The following TRPM3 variants were observed in gnomAD, a reference collection of about 807,000 sequenced individuals.
TRPM3 encodes the protein transient receptor potential cation channel subfamily M member 3, also known as long transient receptor potential channel 3.
A neutral mutation model predicts 181.2 loss-of-function variants in TRPM3; 77 were observed. The observed-to-expected ratio is 0.42, with a 90% confidence interval of 0.35 to 0.51. The LOEUF (loss-of-function observed/expected upper bound fraction) is 0.51. Ranked by LOEUF, TRPM3 falls within the 20% of genes least tolerant of loss-of-function variation. TRPM3 has a pLI of 0.01. For missense variants in TRPM3, 1,759 were observed against 2,196.7 expected, an observed-to-expected ratio of 0.80 and a Z score of 3.98; for synonymous variants, 745 against 796.4, an observed-to-expected ratio of 0.94 and a Z score of 1.09.
intron 1 of TRPM3, among the ~76,000 whole-genome samples, chr9:71,314,650 G>A (rs1361920002): frequency 2.0e-5 from 3 of 152,140 alleles, no homozygotes; most frequent in African/African-American, 7.2e-5. Flanking sequence ...GCTCCCAGAC[G>A]GGAATCATCA....
chr9:71,100,753 GAATA>G (rs2068209449), intron 1 of TRPM3, among the ~76,000 whole-genome samples: 1 of 152,048 alleles, frequency 6.6e-6, no homozygotes, highest in African/African-American at 2.4e-5. Flanking sequence ...CTTATTCAAC[GAATA>G]TTTATATTGT....
intron 1 of TRPM3, among the ~76,000 whole-genome samples, chr9:71,389,721 A>G (rs1311924298): frequency 6.6e-6 from 1 of 152,130 alleles, no homozygotes; most frequent in Non-Finnish European, 1.5e-5. Flanking sequence ...TTCTAAGTGA[A>G]GTAACTCAGG....
At chr9:71,193,829 G>A (rs992942224) in intron 1 of TRPM3, among the ~76,000 whole-genome samples, 2 of 151,846 alleles carry the variant, frequency 1.3e-5, no homozygotes, top group African/African-American at 4.8e-5. Flanking sequence ...GTTTGATATT[G>A]ACACATCACT....
At chr9:70,624,154 A>C (rs935987109) in intron 14 of TRPM3, among the ~76,000 whole-genome samples, 1 of 152,176 alleles carries the variant, frequency 6.6e-6, no homozygotes, top group South Asian at 2.1e-4. Flanking sequence ...TACTAATGAA[A>C]TTGTATAATA....
At chr9:70,960,273 A>G (rs1564847657) in intron 1 of TRPM3, among the ~76,000 whole-genome samples, 1 of 152,172 alleles carries the variant, frequency 6.6e-6, no homozygotes, top group African/African-American at 2.4e-5. Flanking sequence ...GAGGAGAGTT[A>G]GTGAACAGCA....
intron 1 of TRPM3, among the ~76,000 whole-genome samples, chr9:71,418,412 G>T (rs1262302680): frequency 1.3e-5 from 2 of 151,922 alleles, no homozygotes; most frequent in African/African-American, 4.8e-5. Flanking sequence ...ATACGCCTCT[G>T]TTGAGATGAA....
intron 7 of TRPM3, among the ~76,000 whole-genome samples, chr9:70,778,594 T>C (rs2081909524): frequency 6.6e-6 from 1 of 152,170 alleles, no homozygotes; most frequent in Non-Finnish European, 1.5e-5. Context: ...TGATTTCTCA[T>C]AGAAAATTTT....
At chr9:70,948,739 G>A (rs532863016) in intron 1 of TRPM3, among the ~76,000 whole-genome samples, 2 of 152,320 alleles carry the variant, frequency 1.3e-5, no homozygotes, top group Non-Finnish European at 2.9e-5. Flanking sequence ...CTTCACTGGT[G>A]AGCCCAAATG....
At chr9:70,879,956 A>G (rs975002796) in intron 1 of TRPM3, among the ~76,000 whole-genome samples, 11 of 152,118 alleles carry the variant, frequency 7.2e-5, no homozygotes, top group Non-Finnish European at 1.2e-4. Context: ...TCTGGTAGAC[A>G]CACTCCTAGT....
At chr9:70,863,157 T>G in intron 2 of TRPM3, 45 bp from the exon 3 acceptor site, 2 of 1,559,326 alleles carry the variant, frequency 1.3e-6, no homozygotes, top group Non-Finnish European at 1.8e-6. Flanking sequence ...TTAGTCACTA[T>G]TGGGATACAC....
At chr9:70,674,018 T>C (rs4144023) in intron 9 of TRPM3, among the ~76,000 whole-genome samples, 54,702 of 150,392 alleles carry the variant, frequency 0.36, 10,263 homozygotes, top group East Asian at 0.46. Flanking sequence ...GTATGTCTCT[T>C]TTATTGGCCT....
intron 20 of TRPM3, among the ~76,000 whole-genome samples, chr9:70,601,906 G>A (rs2060059078): frequency 6.6e-6 from 1 of 152,158 alleles, no homozygotes; most frequent in African/African-American, 2.4e-5. Flanking sequence ...AATCGCTCGA[G>A]TGCCAGCTGG....
rs191103326 is a variant in TRPM3, at chr9:70,666,717, T to C, written c.1345+14789A>G. On this transcript the variant is annotated intron_variant, in intron 9 of 25. Transcript: ENST00000677713. The stretch of plus-strand genomic sequence containing the variant: ...CTTGCTCCTGTGTTCCTCTATATTA[T>C]GATAGTATGACTTGGTATAGGATTA... 2.6e-3 allele frequency among the ~76,000 whole-genome samples: 396 copies of C among 152,312 alleles called. 1 individual carries two copies. The highest frequency in any genetic ancestry group is 8.6e-3 in the African/African-American group (357 of 41,566).
intron 1 of TRPM3, among the ~76,000 whole-genome samples, chr9:71,136,393 C>A (rs555052833): frequency 6.6e-6 from 1 of 152,280 alleles, no homozygotes; most frequent in Admixed American, 6.5e-5. Flanking sequence ...CATGGACACT[C>A]CATCTAGTGA....
chr9:71,201,666 C>T (rs986775007), intron 1 of TRPM3, among the ~76,000 whole-genome samples: 39 of 152,316 alleles, frequency 2.6e-4, no homozygotes, highest in East Asian at 1.9e-4. Flanking sequence ...TTGATCGCAT[C>T]GGCTCCTGAG....
At chr9:71,053,092 GAAAAAAAAAAA>G (rs36015552) in intron 1 of TRPM3, among the ~76,000 whole-genome samples, 11 of 62,456 alleles carry the variant, frequency 1.8e-4, no homozygotes, top group East Asian at 5.6e-4. Flanking sequence ...CCATCCTAAG[GAAAAAAAAAAA>G]AAAAAAAAAA....
intron 8 of TRPM3, among the ~76,000 whole-genome samples, chr9:70,696,175 A>G (rs904668905): frequency 4.6e-5 from 7 of 152,210 alleles, no homozygotes; most frequent in South Asian, 2.1e-4. Context: ...TGGGCACCCA[A>G]TGAATGTTTG....
upstream of TRPM3, among the ~76,000 whole-genome samples, chr9:71,122,058 T>C (rs576048518): frequency 2.6e-5 from 4 of 152,210 alleles, no homozygotes; most frequent in South Asian, 2.1e-4. Context: ...GTTCCTTTCA[T>C]ACAAAGCAGT....
chr9:70,977,886 T>C (rs1310317803), intron 1 of TRPM3, among the ~76,000 whole-genome samples: 4 of 152,222 alleles, frequency 2.6e-5, no homozygotes, highest in Non-Finnish European at 5.9e-5. Flanking sequence ...TCCTGGCACT[T>C]TGTTGTATTT....
Sources: gnomAD v4.1 joint callset for allele counts (sites outside exome capture counted in the v4.1 genomes callset) on GRCh38, gnomAD v4.1.1 for gene constraint, MANE v1.5 for transcripts, NCBI Gene and HGNC (gene_info 2026-07-23, HGNC 2026-07-21) for gene names.